NAV3: variants seen among roughly 807,000 people sequenced by gnomAD.
NAV3 encodes the protein pore membrane and/or filament interacting like protein 1.
A neutral mutation model predicts 244.7 loss-of-function variants in NAV3; 87 were observed. The observed-to-expected ratio is 0.36, with a 90% CI of 0.30 to 0.42. The LOEUF (loss-of-function observed/expected upper bound fraction) is 0.42, where lower values mean the gene tolerates loss of function less well. Ranked by LOEUF, NAV3 falls within the 20% of genes least tolerant of loss-of-function variation. NAV3 has a pLI of 1.00. For synonymous variants in NAV3, 1,126 were observed against 1,042.2 expected (o/e 1.08, Z -1.55); for missense variants, 2,663 against 2,893.3 (o/e 0.92, Z 1.83).
intron 30 of NAV3, among the ~76,000 whole-genome samples, chr12:78,182,433 T>C (rs114919708): frequency 0.041 from 6,252 of 152,058 alleles, 443 homozygotes; most frequent in African/African-American, 0.14. Flanking sequence ...CAGTACCTTA[T>C]AGGTCAGACT....
chr12:78,197,648 A>G (rs769292930), intron 35 of NAV3, among the ~76,000 whole-genome samples: 24 of 151,996 alleles, frequency 1.6e-4, no homozygotes, highest in Non-Finnish European at 2.9e-4. Flanking sequence ...TAGACTTACA[A>G]TGGCTGTCAT....
chr12:77,916,493 G>A (rs1396130212), intron 1 of NAV3, among the ~76,000 whole-genome samples: 1 of 151,180 alleles, frequency 6.6e-6, no homozygotes, highest in African/African-American at 2.4e-5. Context: ...TATTAGGCAT[G>A]TGTTGACATG....
At chr12:78,070,388 T>C (rs1415414544) in intron 12 of NAV3, among the ~76,000 whole-genome samples, 1 of 151,384 alleles carries the variant, frequency 6.6e-6, no homozygotes, top group Non-Finnish European at 1.5e-5. Context: ...TGCTGGGATT[T>C]ATACTCAGGT....
chr12:78,166,535 C>G (rs887157608), intron 23 of NAV3, among the ~76,000 whole-genome samples: 1 of 151,582 alleles, frequency 6.6e-6, no homozygotes, highest in African/African-American at 2.4e-5. Context: ...AGGATTCTCC[C>G]AAGTTATATA....
At chr12:77,658,778 A>G (rs1472679707) in intron 2 of NAV3, among the ~76,000 whole-genome samples, 1 of 151,898 alleles carries the variant, frequency 6.6e-6, no homozygotes, top group African/African-American at 2.4e-5. Flanking sequence ...TCAATGGAAC[A>G]GAACAGAGCC....
At chr12:77,759,163 G>A in intron 2 of NAV3, among the ~76,000 whole-genome samples, 1 of 152,104 alleles carries the variant, frequency 6.6e-6, no homozygotes, top group South Asian at 2.1e-4. Flanking sequence ...TTTTTTCTAT[G>A]TTTAATACAC....
At chr12:77,842,315 A>G (rs1222335007) in intron 1 of NAV3, among the ~76,000 whole-genome samples, 1 of 151,958 alleles carries the variant, frequency 6.6e-6, no homozygotes, top group Non-Finnish European at 1.5e-5. Context: ...GCTATTTTTA[A>G]TTTCTTCTGT....
intron 1 of NAV3, among the ~76,000 whole-genome samples, chr12:77,866,630 CTAA>C (rs886624790): frequency 1.3e-5 from 2 of 152,204 alleles, no homozygotes; most frequent in African/African-American, 4.8e-5. Flanking sequence ...ATTTACTCTG[CTAA>C]TGTTACAAGA....
chr12:78,164,449 T>G (rs555151589), intron 23 of NAV3, among the ~76,000 whole-genome samples: 1 of 152,200 alleles, frequency 6.6e-6, no homozygotes, highest in East Asian at 1.9e-4. Flanking sequence ...TGAAAATAGA[T>G]AATGCTGCAA....
In NAV3 at chr12:78,121,972, C is replaced by T. The variant is rs1955686948; in HGVS notation, c.3782C>T (p.Ala1261Val). The change falls in exon 16 of 40, where the codon GCC becomes GTC. Residue 1261 changes from alanine (A) to valine (V), a missense_variant. Physicochemically the swap from Ala to Val is moderately conservative, Grantham distance 64. Transcript: ENST00000397909. ...GGTGCCAAGGCAGGTGGCAAATCTG[C>T]CTCTGCACCTAATACTGAGGGTGTG... The part of the protein sequence containing the change: ...LFGAKAGGKS[A>V]SAPNTEGVKS... 1.2e-6 allele frequency: 2 copies of T among 1,614,006 alleles called. No homozygotes were observed. The highest frequency in any genetic ancestry group is 1.7e-6 in the Non-Finnish European group (2 of 1,180,026).
intron 1 of NAV3, among the ~76,000 whole-genome samples, chr12:77,832,191 G>T (rs1873825136): frequency 6.6e-6 from 1 of 152,152 alleles, no homozygotes; most frequent in South Asian, 2.1e-4. Context: ...ATTCATTGCA[G>T]TATGAAGGAA....
intron 16 of NAV3, among the ~76,000 whole-genome samples, chr12:78,125,724 T>A (rs1335395704): frequency 6.6e-6 from 1 of 152,216 alleles, no homozygotes; most frequent in Admixed American, 6.5e-5. Flanking sequence ...TTTGCAGAAA[T>A]TGTCTATGTT....
chr12:77,576,801 G>T (rs1470748541), intron 2 of NAV3, among the ~76,000 whole-genome samples: 4 of 151,926 alleles, frequency 2.6e-5, no homozygotes, highest in Non-Finnish European at 4.4e-5. Context: ...CCTTATATTT[G>T]TTGATTTTCT....
At chr12:77,576,384 T>C (rs1869084911) in intron 2 of NAV3, among the ~76,000 whole-genome samples, 1 of 152,034 alleles carries the variant, frequency 6.6e-6, no homozygotes, top group Non-Finnish European at 1.5e-5. Flanking sequence ...TGGACCTGTT[T>C]TATTCTTTCT....
intron 2 of NAV3, among the ~76,000 whole-genome samples, chr12:77,589,095 C>T (rs915130763): frequency 3.3e-5 from 5 of 152,120 alleles, no homozygotes; most frequent in African/African-American, 9.7e-5. Context: ...GATCTAGGTA[C>T]TAAGACAAAA....
At chr12:78,058,868 T>G in intron 11 of NAV3, 128 bp from the exon 12 acceptor site, 1 of 746,154 alleles carries the variant, frequency 1.3e-6, no homozygotes, top group South Asian at 3.0e-5. Context: ...TTATACAGAA[T>G]AAAAAACAAG....
At chr12:77,645,246 A>T (rs1445012793) in intron 2 of NAV3, among the ~76,000 whole-genome samples, 1 of 149,360 alleles carries the variant, frequency 6.7e-6, no homozygotes, top group Non-Finnish European at 1.5e-5. Context: ...AAATAATTCA[A>T]AATGAATAAT....
intron 5 of NAV3, among the ~76,000 whole-genome samples, chr12:77,983,510 A>C (rs1338441955): frequency 6.6e-6 from 1 of 152,202 alleles, no homozygotes; most frequent in Non-Finnish European, 1.5e-5. Flanking sequence ...TCGTAGGTTT[A>C]AGATTTTAAT....
At chr12:78,142,768 G>C (rs911316960) in intron 20 of NAV3, among the ~76,000 whole-genome samples, 1 of 144,334 alleles carries the variant, frequency 6.9e-6, no homozygotes, top group Non-Finnish European at 1.5e-5. Flanking sequence ...AATATATGGA[G>C]GTAGGGTATA....
Sources: allele counts gnomAD v4.1 joint callset (sites outside exome capture counted in the v4.1 genomes callset), GRCh38; gene constraint gnomAD v4.1.1; transcripts MANE v1.5; gene names NCBI Gene and HGNC (gene_info 2026-07-23, HGNC 2026-07-21).